MIGA1: variants seen among roughly 807,000 people sequenced by gnomAD.
MIGA1 encodes family with sequence similarity 73, member A.
MIGA1 carries 58 observed loss-of-function variants against 82.0 expected under a neutral mutation model. The observed-to-expected ratio is 0.71, with a 90% CI of 0.57 to 0.88. MIGA1 has a LOEUF of 0.88. Among genes scored for constraint, MIGA1 ranks in the 40% least tolerant of loss-of-function variants. The pLI, the probability that MIGA1 is intolerant of heterozygous loss-of-function variation, is 0.00. For missense variants in MIGA1, 751 were observed against 749.1 expected, an observed-to-expected ratio of 1.00 and a Z score of -0.03; for synonymous variants, 249 against 253.6, an observed-to-expected ratio of 0.98 and a Z score of 0.17.
At chr1:77,819,080 C>CAAAAAAAAAAAAA (rs745979095) in intron 7 of MIGA1, among the ~76,000 whole-genome samples, 1 of 63,332 alleles carries the variant, frequency 1.6e-5, no homozygotes. Flanking sequence ...AACTCTGTCC[C>CAAAAAAAAAAAAA]AAAAAAAAAA....
chr1:77,806,796 A>C (rs553577169), intron 4 of MIGA1, among the ~76,000 whole-genome samples, 179 bp from the exon 5 acceptor site: 3 of 152,242 alleles, frequency 2.0e-5, no homozygotes, highest in African/African-American at 7.2e-5. Flanking sequence ...AAACAGGCTT[A>C]GAATAGAGTC....
intron 14 of MIGA1, among the ~76,000 whole-genome samples, chr1:77,867,836 G>A (rs1041395747): frequency 6.6e-6 from 1 of 152,190 alleles, no homozygotes; most frequent in African/African-American, 2.4e-5. Context: ...TCTTTAGAAT[G>A]TGCTGGTAGA....
At chr1:77,841,509 A>G (rs1321829067) in intron 7 of MIGA1, among the ~76,000 whole-genome samples, 1 of 151,118 alleles carries the variant, frequency 6.6e-6, no homozygotes, top group Non-Finnish European at 1.5e-5. Context: ...AGCTTGGAAT[A>G]TAATTGATTG....
At chr1:77,782,374 A>AT (rs1681959310) in intron 1 of MIGA1, among the ~76,000 whole-genome samples, 1 of 152,172 alleles carries the variant, frequency 6.6e-6, no homozygotes, top group African/African-American at 2.4e-5. Flanking sequence ...TTGACTTATT[A>AT]GTTCAGCTTC....
chr1:77,804,393 C>T (rs1683005814), intron 4 of MIGA1, among the ~76,000 whole-genome samples: 1 of 152,054 alleles, frequency 6.6e-6, no homozygotes, highest in Non-Finnish European at 1.5e-5. Flanking sequence ...AGAATATGTA[C>T]CTGCTATTAA....
intron 2 of MIGA1, among the ~76,000 whole-genome samples, chr1:77,793,190 A>G (rs1474897682): frequency 3.3e-5 from 5 of 151,700 alleles, no homozygotes; most frequent in African/African-American, 7.3e-5. Flanking sequence ...TGTAGCCTCA[A>G]TCTTCTGGGC....
chr1:77,835,988 A>T (rs1684410496), intron 7 of MIGA1, among the ~76,000 whole-genome samples: 1 of 152,146 alleles, frequency 6.6e-6, no homozygotes. Context: ...AAACGTAAGA[A>T]ATTTAACAGG....
rs145911266 is a variant in MIGA1, at chr1:77,844,897, G to C, written c.996+1490G>C. Among the ~76,000 whole-genome samples, 9 of 152,206 alleles carry C rather than the reference G, an allele frequency of 5.9e-5. 1 individual carries two copies. The South Asian group carries it at 1.9e-3, about 32-fold the overall frequency. On this transcript the variant is annotated intron_variant, in intron 8 of 15. Coordinates refer to ENST00000370791, the MANE Select transcript of MIGA1 (RefSeq NM_198549.4). Reference sequence around the variant, plus strand: ...CTCAGGAGGCTGAGGCACAAGAATCGCTTGAACCTGGGAGATGGAGGTTGC... The same window carrying C: ...CTCAGGAGGCTGAGGCACAAGAATCCCTTGAACCTGGGAGATGGAGGTTGC...
intron 1 of MIGA1, among the ~76,000 whole-genome samples, chr1:77,782,170 G>T (rs1681949740): frequency 1.3e-5 from 2 of 152,028 alleles, no homozygotes; most frequent in Admixed American, 6.6e-5. Context: ...GGGATTGCTG[G>T]TAATTTTTAT....
chr1:77,808,235 T>G (rs1034176628), intron 5 of MIGA1, among the ~76,000 whole-genome samples: 1 of 151,920 alleles, frequency 6.6e-6, no homozygotes, highest in African/African-American at 2.4e-5. Context: ...TAAGGACACT[T>G]TTGATTAGAT....
intron 7 of MIGA1, among the ~76,000 whole-genome samples, chr1:77,819,058 C>T (rs1030927897): frequency 7.4e-5 from 10 of 134,596 alleles, no homozygotes; most frequent in Admixed American, 2.4e-4. Context: ...CCAGTCTGGG[C>T]GATAAGAGCA....
Position 77,860,055 on chromosome 1 carries a change from T to C in MIGA1, c.1204T>C (p.Ser402Pro). Residue 402 changes from serine (S) to proline (P), a missense_variant, in exon 11 of 16, where the codon TCA becomes CCA. This residue lies in a region of MIGA1 where 265 missense variants were observed against 293.6 expected (regional missense o/e 0.90). Transcript: ENST00000370791. ...ATTTTTTCAGGTAATTCTTTCAGAA[T>C]CAGCTAACAGGATATTCCTCGCTGA... The C allele has an allele frequency of 6.2e-7, 1 of 1,608,124 alleles. No homozygotes were observed. Among genetic ancestry groups the C allele is most frequent in the Non-Finnish European group, 8.5e-7 (1 of 1,177,084 alleles).
chr1:77,790,748 G>A (rs184977422), intron 2 of MIGA1, among the ~76,000 whole-genome samples: 3 of 151,684 alleles, frequency 2.0e-5, no homozygotes, highest in African/African-American at 4.8e-5. Flanking sequence ...CATCATGCCC[G>A]GCTAATCTTT....
intron 5 of MIGA1, among the ~76,000 whole-genome samples, chr1:77,808,148 T>TA (rs1186984640): frequency 4.7e-5 from 7 of 148,740 alleles, no homozygotes; most frequent in Non-Finnish European, 7.5e-5. Context: ...TTTTTTTTTT[T>TA]ATTATACTCT....
intron 2 of MIGA1, among the ~76,000 whole-genome samples, chr1:77,792,860 C>T (rs749788302): frequency 4.0e-5 from 6 of 150,172 alleles, no homozygotes; most frequent in Non-Finnish European, 5.9e-5. Context: ...GCGATCTCAG[C>T]TCACTGCAAC....
intron 5 of MIGA1, among the ~76,000 whole-genome samples, chr1:77,807,837 T>A (rs1002208094): frequency 3.3e-5 from 5 of 152,128 alleles, no homozygotes; most frequent in African/African-American, 4.8e-5. Context: ...TCTCTTTTTT[T>A]TGAGACAGAG....
At chr1:77,839,919 G>C (rs770438108) in intron 7 of MIGA1, among the ~76,000 whole-genome samples, 2 of 152,000 alleles carry the variant, frequency 1.3e-5, no homozygotes, top group Non-Finnish European at 2.9e-5. Flanking sequence ...TTTTTGTAAA[G>C]ACAGGGTTTT....
intron 7 of MIGA1, among the ~76,000 whole-genome samples, chr1:77,822,841 T>G (rs1392666628): frequency 2.0e-5 from 3 of 149,354 alleles, no homozygotes; most frequent in East Asian, 3.9e-4. Context: ...GCATGTTTTT[T>G]TTTTTTTTTT....
At position 77,811,280 on chromosome 1, in the gene MIGA1, A is replaced by C. The variant is rs889678852; in HGVS notation, c.638-2454A>C. On this transcript the variant is annotated intron_variant, in intron 5 of 15. Coordinates refer to ENST00000370791, the MANE Select transcript of MIGA1 (RefSeq NM_198549.4). ...ATTTTCGCAATTCTGATAGTGAGTA[A>C]TGTCATTCCTGGTTCCGATGGCAAC... The C allele has an allele frequency of 6.3e-6, 10 of 1,590,646 alleles. No homozygotes were observed. In the African/African-American group the frequency reaches 1.3e-4, roughly 21 times the overall value.
Sources: gnomAD v4.1 joint callset for allele counts (sites outside exome capture counted in the v4.1 genomes callset) on GRCh38, gnomAD v4.1.1 for gene constraint, gnomAD v4.1.1 regional missense constraint, MANE v1.5 for transcripts, NCBI Gene and HGNC (gene_info 2026-07-23, HGNC 2026-07-21) for gene names.